The following ZSWIM4 variants were observed in gnomAD, a reference collection of about 807,000 sequenced individuals.
ZSWIM4 encodes zinc finger SWIM-type containing 4, also known as zinc finger SWIM domain-containing protein 4.
A neutral mutation model predicts 102.5 loss-of-function variants in ZSWIM4; 62 were observed. That is an observed-to-expected ratio of 0.60 (90% CI 0.49 to 0.75). The LOEUF is 0.75. ZSWIM4 is among the 30% of genes least tolerant of loss of function. The pLI, the probability that ZSWIM4 is intolerant of heterozygous loss-of-function variation, is 0.00. For missense variants in ZSWIM4, 1,280 were observed against 1,529.6 expected (o/e 0.84, Z 2.72); for synonymous variants, 652 against 674.5 (o/e 0.97, Z 0.52).
At chr19:13,823,112 C>T (rs1253870496) in intron 10 of ZSWIM4, among the ~76,000 whole-genome samples, 2 of 152,220 alleles carry the variant, frequency 1.3e-5, no homozygotes, top group African/African-American at 2.4e-5. Context: ...GATTGTCCCA[C>T]AGGACTCCAG....
rs548413618 is a variant in ZSWIM4 at position 13,813,168 on chromosome 19, G to A, written c.1180+4G>A. ...CCCACCATGGCCCCCGCCCCAGGTAGGAGAGAGGGGTCTTTACCATGCCCC... is the reference window on the plus strand; with the variant it reads ...CCCACCATGGCCCCCGCCCCAGGTAAGAGAGAGGGGTCTTTACCATGCCCC... On this transcript the variant is annotated splice_donor_region_variant and intron_variant, in intron 6 of 13. Transcript: ENST00000590508. 109 of 1,607,112 alleles carry A rather than the reference G, an allele frequency of 6.8e-5. 1 individual carries two copies. In the South Asian group the frequency reaches 1.1e-3, roughly 16 times the overall value.
Position 13,825,825 on chromosome 19 carries a change from C to T in ZSWIM4, c.2379+112C>T, listed in dbSNP as rs115624485. ...AGTGTGAGCCACTTCGCTGGGGGCC[C>T]GGCATTTGCGTGAGCTATTCCTCTG... On this transcript the variant is annotated intron_variant, in intron 12 of 13. Transcript: ENST00000590508. This position sits in a 1 kb window ranked among gnomAD's most constrained non-coding sequence, Gnocchi z 4.6. 2.7e-3 allele frequency: 3,726 copies of T among 1,359,514 alleles called. 93 individuals are homozygous for T. The African/African-American group carries it at 0.049, about 18-fold the overall frequency. 84.2% of individuals were successfully genotyped at this position (1,359,514 alleles called of 1,614,324 possible).
intron 9 of ZSWIM4, 105 bp downstream of exon 9, chr19:13,818,081 G>T: frequency 1.2e-5 from 13 of 1,097,754 alleles, no homozygotes; most frequent in Admixed American, 3.8e-5. Flanking sequence ...CCCCAGCCCC[G>T]CCCCTAGCCC....
At chr19:13,829,174 G>C (rs111604924) in intron 13 of ZSWIM4, among the ~76,000 whole-genome samples, 10 of 151,846 alleles carry the variant, frequency 6.6e-5, no homozygotes, top group African/African-American at 2.4e-4. Flanking sequence ...AGTCCTATCC[G>C]GAGGGCTGAG....
Position 13,820,807 on chromosome 19 carries a change from A to G in ZSWIM4, c.2060+1315A>G, listed in dbSNP as rs1207815195. 4.0e-5 allele frequency among the ~76,000 whole-genome samples: 6 copies of G among 151,220 alleles called. No homozygotes were observed. In the Admixed American group the frequency reaches 4.0e-4, roughly 10 times the overall value. ...CTCACTGAGCTTTGCATCTTACAGG[A>G]TTTGTCTTATCACACAGTACGTGAA... is the stretch of plus-strand genomic sequence containing the variant. On this transcript the variant is annotated intron_variant, in intron 10 of 13. Coordinates refer to ENST00000590508, the MANE Select transcript of ZSWIM4 (RefSeq NM_001367834.3).
rs560797866 is a variant in ZSWIM4, at chr19:13,805,857, G to T, written c.712+709G>T. On this transcript the variant is annotated intron_variant, in intron 3 of 13. Transcript: ENST00000590508. ...GTGGTGGTGGGTGCCTGTAGTCCCAGCCACTCAGGAAGCTGAGGTGGGAGA... is the reference window on the plus strand; with the variant it reads ...GTGGTGGTGGGTGCCTGTAGTCCCATCCACTCAGGAAGCTGAGGTGGGAGA... Among the ~76,000 whole-genome samples, 10 of 151,422 alleles carry T rather than the reference G, an allele frequency of 6.6e-5. No homozygotes were observed. In the South Asian group the frequency reaches 2.1e-3, roughly 32 times the overall value.
chr19:13,802,992 C>A (rs61391693), intron 2 of ZSWIM4, among the ~76,000 whole-genome samples: 1,955 of 152,200 alleles, frequency 0.013, 41 homozygotes, highest in African/African-American at 0.045. Context: ...GGCCTTGGAT[C>A]TCAGGCAGCC....
intron 1 of ZSWIM4, among the ~76,000 whole-genome samples, chr19:13,799,176 C>A (rs1974688140): frequency 6.6e-6 from 1 of 151,610 alleles, no homozygotes; most frequent in South Asian, 2.1e-4. Flanking sequence ...AAACTCATGG[C>A]CTCAAGTGAC....
intron 5 of ZSWIM4, among the ~76,000 whole-genome samples, chr19:13,811,330 T>C (rs1264402571): frequency 1.3e-5 from 2 of 152,146 alleles, no homozygotes; most frequent in Non-Finnish European, 2.9e-5. Context: ...CACAGACATA[T>C]ATACCAAACG....
At chr19:13,810,927 T>TTTC (rs2093019175) in intron 5 of ZSWIM4, among the ~76,000 whole-genome samples, 1 of 142,338 alleles carries the variant, frequency 7.0e-6, no homozygotes, top group African/African-American at 2.7e-5. Flanking sequence ...TTTTTTTTTT[T>TTTC]TTTTGAGATG....
intron 7 of ZSWIM4, among the ~76,000 whole-genome samples, chr19:13,815,517 C>G (rs1975251754): frequency 8.9e-6 from 1 of 111,780 alleles, no homozygotes; most frequent in African/African-American, 3.5e-5. Context: ...TTCGCCCAGT[C>G]TGGAGTGCAG....
intron 1 of ZSWIM4, among the ~76,000 whole-genome samples, chr19:13,797,221 G>C (rs539036191): frequency 6.6e-6 from 1 of 152,324 alleles, no homozygotes; most frequent in East Asian, 1.9e-4. Context: ...GGGGCACAGA[G>C]AAGTTGAGAA....
In ZSWIM4 at chr19:13,832,059, G is replaced by A. The variant is rs1406793177; in HGVS notation, c.*1009G>A. 7.0e-6 allele frequency: 1 copy of A among 142,932 alleles called. No homozygotes were observed. The highest frequency in any genetic ancestry group is 7.3e-5 in the Admixed American group (1 of 13,652). 8.9% of individuals were successfully genotyped at this position (142,932 alleles called of 1,614,324 possible). A position where few individuals can be genotyped will look rare whatever the true frequency, so the allele number is the denominator to read the frequency against. ...ATCTTTTCCCTTCTTGTATATTAAG[G>A]ACAAAATACCACATCATTTTGTAAC... On this transcript the variant is annotated 3_prime_UTR_variant, in exon 14 of 14. Transcript: ENST00000590508.
Position 13,825,794 on chromosome 19 carries a change from G to A in ZSWIM4, c.2379+81G>A. The A allele has an allele frequency of 6.7e-7, 1 of 1,497,836 alleles. No individual in the cohort carries two copies. The highest frequency in any genetic ancestry group is 8.9e-7 in the Non-Finnish European group (1 of 1,123,970). 92.8% of individuals were successfully genotyped at this position (1,497,836 alleles called of 1,614,324 possible). A position where few individuals can be genotyped will look rare whatever the true frequency, so the allele number is the denominator to read the frequency against. On this transcript the variant is annotated intron_variant, in intron 12 of 13. Transcript: ENST00000590508. The surrounding 1 kb of genome is among the most constrained non-coding windows in gnomAD (Gnocchi z 4.6). ...CTGTGAGCTGCGCCTCCCGGGGCAT[G>A]GGCTGAGTGTGAGCCACTTCGCTGG...
chr19:13,813,956 A>G (rs1396912363), intron 6 of ZSWIM4, among the ~76,000 whole-genome samples: 3 of 151,710 alleles, frequency 2.0e-5, no homozygotes, highest in African/African-American at 7.3e-5. Context: ...AAGAAAAGAA[A>G]AATAGCAAGT....
In ZSWIM4 at chr19:13,817,963, G is replaced by A; in HGVS notation, c.1911G>A (p.Gly637=). The change falls in exon 9 of 14, where the codon GGG becomes GGA. Residue 637 remains glycine (G), a synonymous_variant. Coordinates refer to ENST00000590508, the MANE Select transcript of ZSWIM4 (RefSeq NM_001367834.3). ...TGCAGGTGCTGCGCAAGCAGGCGGG[G>A]CTGCTGCTGGAAGGTGAGGCCGCGC... ...RLVQVLRKQA[G]LLLEGGPFSG... The A allele has an allele frequency of 3.3e-6, 5 of 1,513,456 alleles. No homozygotes were observed. The highest frequency in any genetic ancestry group is 4.4e-6 in the Non-Finnish European group (5 of 1,126,902). The allele number at this position is 1,513,456 out of a possible 1,614,324, so 93.8% of individuals were successfully genotyped here. A position where few individuals can be genotyped will look rare whatever the true frequency, so the allele number is the denominator to read the frequency against.
At chr19:13,817,554 TG>T (rs368374247) in intron 8 of ZSWIM4, 167 bp from the exon 9 acceptor site, 22 of 1,040,420 alleles carry the variant, frequency 2.1e-5, no homozygotes, top group Middle Eastern at 3.0e-4. Flanking sequence ...GCCTAGCTGC[TG>T]CTAGAAGGTG....
chr19:13,817,798 G>A lies in ZSWIM4; in HGVS notation c.1746G>A (p.Val582=). The A allele has an allele frequency of 6.3e-7, 1 of 1,591,368 alleles. No homozygotes were observed. The highest frequency in any genetic ancestry group is 8.5e-7 in the Non-Finnish European group (1 of 1,170,366). ...VPGSPGESYL[V]LALEVALLGL... ...GGAGCCCTGGGGAGTCCTACTTGGT[G>A]CTGGCGCTGGAGGTGGCACTGCTGG... Residue 582 remains valine, a synonymous_variant, in exon 9 of 14, where the codon GTG becomes GTA. Coordinates refer to ENST00000590508, the MANE Select transcript of ZSWIM4 (RefSeq NM_001367834.3).
chr19:13,795,904 C>T (rs1268370436), intron 1 of ZSWIM4, 103 bp downstream of exon 1: 1 of 730,904 alleles, frequency 1.4e-6, no homozygotes, highest in East Asian at 4.3e-5. Context: ...CTAACCCAAT[C>T]AGAGACACCC....
Sources: allele counts gnomAD v4.1 joint callset (sites outside exome capture counted in the v4.1 genomes callset), GRCh38; gene constraint gnomAD v4.1.1; non-coding constraint Gnocchi (gnomAD v3.1); transcripts MANE v1.5; gene names NCBI Gene and HGNC (gene_info 2026-07-23, HGNC 2026-07-21).